Variants in HGSNAT observed in about 807,000 individuals in gnomAD.
The protein encoded by HGSNAT is transmembrane protein 76.
A neutral mutation model predicts 85.2 loss-of-function variants in HGSNAT; 59 were observed. The observed-to-expected ratio is 0.69, with a 90% CI of 0.56 to 0.86. HGSNAT has a LOEUF of 0.86. HGSNAT is among the 40% of genes least tolerant of loss of function. The pLI is 0.00. For missense variants in HGSNAT, 756 were observed against 777.1 expected, an observed-to-expected ratio of 0.97 and a Z score of 0.32; for synonymous variants, 321 against 304.5, an observed-to-expected ratio of 1.05 and a Z score of -0.56.
At chr8:43,168,327 T>G (rs1295992633) in intron 5 of HGSNAT, among the ~76,000 whole-genome samples, 1 of 152,072 alleles carries the variant, frequency 6.6e-6, no homozygotes, top group Non-Finnish European at 1.5e-5. Context: ...CATATGCATT[T>G]TTGTTTGTAA....
chr8:43,179,651 C>G (rs1342687315), intron 10 of HGSNAT, among the ~76,000 whole-genome samples: 5 of 16,710 alleles, frequency 3.0e-4, no homozygotes, highest in Non-Finnish European at 5.6e-4. Context: ...GGCGACTGGC[C>G]AGGCGGGGGG....
At chr8:43,195,491 GAAGGAA>G (rs1181963411) in intron 14 of HGSNAT, among the ~76,000 whole-genome samples, 8 of 144,418 alleles carry the variant, frequency 5.5e-5, no homozygotes, top group Admixed American at 2.7e-4. Context: ...AGGAGGAGGA[GAAGGAA>G]GAGGAGGAGG....
rs752558227 is a variant in HGSNAT, at chr8:43,158,699, A to C, written c.359A>C (p.Lys120Thr). Residue 120 changes from lysine to threonine, a missense_variant, in exon 3 of 18, where the codon AAA becomes ACA. Physicochemically the swap from Lys to Thr is moderately conservative, Grantham distance 78. Transcript: ENST00000379644. ...CAGCTGAACGACACCTTGGAAGAGA[A>C]AGAAGTTTGTAGGTTTGTGCCTGCT... ...ILQLNDTLEE[K>T]EVCRLEYRFG... is the part of the protein sequence containing the mutation. 4 of 1,603,596 alleles carry C rather than the reference A, an allele frequency of 2.5e-6. No homozygotes were observed. The African/African-American group carries it at 5.4e-5, about 22-fold the overall frequency.
chr8:43,175,720 C>T (rs1438530016), intron 9 of HGSNAT, among the ~76,000 whole-genome samples: 3 of 151,576 alleles, frequency 2.0e-5, no homozygotes, highest in African/African-American at 7.3e-5. Context: ...TGCGCACCAC[C>T]ACACCTGGCT....
chr8:43,172,294 T>C lies in HGSNAT; in HGVS notation c.744-16T>C, dbSNP rs768255849. The C allele has an allele frequency of 3.8e-6, 6 of 1,592,350 alleles. No homozygotes were observed. In the Admixed American group the frequency reaches 1.0e-4, roughly 27 times the overall value. The stretch of plus-strand genomic sequence containing the variant: ...TAGCAAACCCTGAAAGGCTTCTCTT[T>C]GTTGGCTTCTTCTAGGATTGCTCTT... On this transcript the variant is annotated splice_polypyrimidine_tract_variant and intron_variant, in intron 7 of 17. Coordinates refer to ENST00000379644, the MANE Select transcript of HGSNAT (RefSeq NM_152419.3).
In HGSNAT at chr8:43,202,656, G is replaced by A. The variant is rs932002828; in HGVS notation, c.*3087G>A. On this transcript the variant is annotated 3_prime_UTR_variant, in exon 18 of 18. Coordinates refer to ENST00000379644, the MANE Select transcript of HGSNAT (RefSeq NM_152419.3). ...TCCTACTTAAAGTGAATATACTGCC[G>A]CTGTAGATCATAAAATGTATCTTTT... 5 of 152,054 alleles carry A rather than the reference G, an allele frequency of 3.3e-5. No individual in the cohort carries two copies. The highest frequency in any genetic ancestry group is 9.7e-5 in the African/African-American group (4 of 41,400). 9.4% of individuals were successfully genotyped at this position (152,054 alleles called of 1,614,324 possible).
Position 43,192,179 on chromosome 8 carries a change from T to C in HGSNAT, c.1251-125T>C, listed in dbSNP as rs542028414. 2.8e-4 allele frequency: 294 copies of C among 1,059,310 alleles called. 2 individuals carry two copies. The African/African-American group carries it at 4.5e-3, about 16-fold the overall frequency. 65.6% of individuals were successfully genotyped at this position (1,059,310 alleles called of 1,614,324 possible). On this transcript the variant is annotated intron_variant, in intron 12 of 17. Coordinates refer to ENST00000379644, the MANE Select transcript of HGSNAT (RefSeq NM_152419.3). Reference sequence around the variant, plus strand: ...CTGACCTCAGGTGATCTGCCCGCCTTGGCCTCCCAAAGTGTTGGGATTACA... The same window carrying C: ...CTGACCTCAGGTGATCTGCCCGCCTCGGCCTCCCAAAGTGTTGGGATTACA...
At chr8:43,173,777 G>A (rs1306708176) in intron 9 of HGSNAT, 34 bp downstream of exon 9, 1 of 1,602,544 alleles carries the variant, frequency 6.2e-7, no homozygotes, top group Non-Finnish European at 8.5e-7. Flanking sequence ...CTCTTCCACG[G>A]GTTGACTCCA....
chr8:43,182,155 C>T lies in HGSNAT; in HGVS notation c.1023C>T (p.Asp341=), dbSNP rs772729729. 24 of 1,613,614 alleles carry T rather than the reference C, an allele frequency of 1.5e-5. No individual in the cohort carries two copies. The Admixed American group carries it at 3.8e-4, about 26-fold the overall frequency. ...PNYCLGPLSW[D]KVRIPGVLQR... ...TTGTGTCTTTTGCAGTGTCTTGGGA[C>T]AAGGTGCGCATTCCTGGTGTGCTGC... The change falls in exon 11 of 18, where the codon GAC becomes GAT. Residue 341 remains aspartate, a synonymous_variant. Transcript: ENST00000379644.
chr8:43,171,322 C>T (rs1803619787), intron 7 of HGSNAT, among the ~76,000 whole-genome samples: 1 of 152,190 alleles, frequency 6.6e-6, no homozygotes, highest in Non-Finnish European at 1.5e-5. Context: ...AGTGCCCTGG[C>T]AGGTAGATTG....
intron 10 of HGSNAT, among the ~76,000 whole-genome samples, chr8:43,178,756 T>C (rs1417547338): frequency 1.3e-5 from 2 of 149,782 alleles, no homozygotes; most frequent in African/African-American, 5.0e-5. Context: ...CCTGCGGCCT[T>C]GGCCTTCCGC....
At chr8:43,177,176 G>A (rs941928628) in intron 9 of HGSNAT, among the ~76,000 whole-genome samples, 3 of 152,200 alleles carry the variant, frequency 2.0e-5, no homozygotes, top group East Asian at 1.9e-4. Context: ...ACCAAGGAAT[G>A]CAGCAAGAGC....
intron 2 of HGSNAT, among the ~76,000 whole-genome samples, chr8:43,148,567 C>T (rs573346573): frequency 1.4e-4 from 21 of 151,744 alleles, no homozygotes; most frequent in African/African-American, 4.3e-4. Flanking sequence ...GAGGGTGGAT[C>T]ACCTGAGGTC....
At chr8:43,193,936 A>G (rs1804625630) in intron 14 of HGSNAT, 93 bp downstream of exon 14, 3 of 1,557,044 alleles carry the variant, frequency 1.9e-6, no homozygotes, top group African/African-American at 1.4e-5. Context: ...AATTGGAAGC[A>G]TATTCTCTCT....
rs144607990 is a variant in HGSNAT at position 43,189,817 on chromosome 8, C to T, written c.1129-1657C>T. 8.7e-4 allele frequency among the ~76,000 whole-genome samples: 133 copies of T among 152,282 alleles called. 2 individuals carry two copies. In the East Asian group the frequency reaches 0.025, roughly 28 times the overall value. ...TTCACTGTGTTAGCCAGGATGGTCT[C>T]GATCTGACCTCGTGATCTGCCTGCC... On this transcript the variant is annotated intron_variant, in intron 11 of 17. Transcript: ENST00000379644.
At chr8:43,158,821 G>A (rs148898804) in intron 3 of HGSNAT, 102 bp from the exon 4 acceptor site, 171 of 1,494,268 alleles carry the variant, frequency 1.1e-4, no homozygotes, top group East Asian at 1.1e-3. Flanking sequence ...TTTCTGGTCC[G>A]TACCCAGGAA....
chr8:43,147,118 C>A, intron 2 of HGSNAT, 55 bp downstream of exon 2: 1 of 979,088 alleles, frequency 1.0e-6, no homozygotes, highest in Non-Finnish European at 1.6e-6. Context: ...TTGATATGAT[C>A]CTTAATGCTC....
chr8:43,182,108 C>T (rs749326762), intron 10 of HGSNAT, 37 bp from the exon 11 acceptor site: 14 of 1,504,574 alleles, frequency 9.3e-6, no homozygotes, highest in Non-Finnish European at 1.2e-5. Context: ...GAGGAGAAGT[C>T]CTGGCTAACA....
In HGSNAT at chr8:43,202,050, C is replaced by T. The variant is rs187064931; in HGVS notation, c.*2481C>T. Reference sequence around the variant, plus strand: ...CCAGGTGAGTTTTCTAGAAGCATTTCTCAAACTGTGGGTTACATCAACTTG... The same window carrying T: ...CCAGGTGAGTTTTCTAGAAGCATTTTTCAAACTGTGGGTTACATCAACTTG... On this transcript the variant is annotated 3_prime_UTR_variant, in exon 18 of 18. Transcript: ENST00000379644. The T allele has an allele frequency of 4.6e-5, 7 of 152,854 alleles. No individual in the cohort carries two copies. Among genetic ancestry groups the T allele is most frequent in the Admixed American group, 4.6e-4 (7 of 15,288 alleles). 9.5% of individuals were successfully genotyped at this position (152,854 alleles called of 1,614,324 possible).
Sources: allele counts gnomAD v4.1 joint callset (sites outside exome capture counted in the v4.1 genomes callset), GRCh38; gene constraint gnomAD v4.1.1; transcripts MANE v1.5; gene names NCBI Gene and HGNC (gene_info 2026-07-23, HGNC 2026-07-21).